The following LRBA variants were observed in gnomAD, a reference collection of about 807,000 sequenced individuals.
LRBA encodes lipopolysaccharide-responsive and beige-like anchor protein.
LRBA carries 176 observed loss-of-function variants against 330.0 expected under a neutral mutation model. The ratio of observed to expected loss-of-function variants is 0.53; its 90% confidence interval spans 0.47 to 0.60. The LOEUF (loss-of-function observed/expected upper bound fraction) is 0.60, where lower values mean the gene tolerates loss of function less well. LRBA is among the 20% of genes least tolerant of loss of function. The pLI is 0.00. For synonymous variants in LRBA, 1,230 were observed against 1,193.0 expected (o/e 1.03, Z -0.64); for missense variants, 3,259 against 3,444.8 (o/e 0.95, Z 1.35).
chr4:150,644,744 G>A (rs928051087), intron 37 of LRBA, among the ~76,000 whole-genome samples: 20 of 151,838 alleles, frequency 1.3e-4, no homozygotes, highest in African/African-American at 4.3e-4. Context: ...ATAACTATAC[G>A]GATGATTTTT....
At chr4:150,410,934 T>C (rs1392227972) in intron 47 of LRBA, among the ~76,000 whole-genome samples, 1 of 152,162 alleles carries the variant, frequency 6.6e-6, no homozygotes, top group African/African-American at 2.4e-5. Flanking sequence ...TGACATTATA[T>C]CATAAGAGAC....
chr4:150,397,640 T>A (rs1383496062), intron 47 of LRBA, among the ~76,000 whole-genome samples: 3 of 152,172 alleles, frequency 2.0e-5, no homozygotes, highest in Non-Finnish European at 4.4e-5. Context: ...TTAAAACATA[T>A]GCAGTAGTAT....
chr4:150,515,825 A>T (rs1383482377), intron 40 of LRBA, among the ~76,000 whole-genome samples: 1 of 152,136 alleles, frequency 6.6e-6, no homozygotes, highest in African/African-American at 2.4e-5. Context: ...CAAGAAAAAC[A>T]TTACACACTT....
chr4:150,975,328 G>C (rs1367466224), intron 2 of LRBA, among the ~76,000 whole-genome samples: 1 of 152,060 alleles, frequency 6.6e-6, no homozygotes, highest in Non-Finnish European at 1.5e-5. Flanking sequence ...CCAAGAGTTA[G>C]AGACCAGCCT....
In LRBA at chr4:150,282,416, G is replaced by A. The variant is rs779504181; in HGVS notation, c.8316+34C>T. 8 of 1,584,362 alleles carry A rather than the reference G, an allele frequency of 5.0e-6. No individual in the cohort carries two copies. The South Asian group carries it at 7.9e-5, about 16-fold the overall frequency. ...CCACTTGACACACGTTGAGGTAAAA[G>A]TCGTGAATGCTGAAGAGTCCCCAGG... On this transcript the variant is annotated intron_variant, in intron 55 of 56. Transcript: ENST00000651943.
chr4:150,275,287 A>G (rs545938460), intron 56 of LRBA, among the ~76,000 whole-genome samples: 1 of 152,298 alleles, frequency 6.6e-6, no homozygotes, highest in South Asian at 2.1e-4. Flanking sequence ...TCTCAAAATA[A>G]TAAGAGCTAT....
intron 34 of LRBA, among the ~76,000 whole-genome samples, chr4:150,795,370 G>C (rs890631729): frequency 5.9e-5 from 9 of 152,018 alleles, no homozygotes; most frequent in African/African-American, 2.2e-4. Flanking sequence ...CTGAAACACA[G>C]TTGAGAACTT....
intron 2 of LRBA, among the ~76,000 whole-genome samples, chr4:150,965,183 GATT>G (rs144960096): frequency 0.022 from 3,387 of 152,244 alleles, 109 homozygotes; most frequent in African/African-American, 0.077. Flanking sequence ...TATATGTAAA[GATT>G]ATTTATTGAA....
chr4:150,791,939 G>T (rs935887636), intron 34 of LRBA, among the ~76,000 whole-genome samples: 1 of 138,616 alleles, frequency 7.2e-6, no homozygotes, highest in Non-Finnish European at 1.5e-5. Context: ...TGAGGCAGGA[G>T]AATGGCATGA....
chr4:150,913,836 C>G (rs923447187), intron 9 of LRBA, among the ~76,000 whole-genome samples: 1 of 152,174 alleles, frequency 6.6e-6, no homozygotes, highest in Non-Finnish European at 1.5e-5. Flanking sequence ...GTAAGCTACT[C>G]CTACTCTTCT....
chr4:150,456,393 A>C (rs1455944741), intron 44 of LRBA, among the ~76,000 whole-genome samples: 1 of 152,060 alleles, frequency 6.6e-6, no homozygotes, highest in African/African-American at 2.4e-5. Flanking sequence ...TAGCTCATTG[A>C]AGCTTTGATT....
intron 23 of LRBA, 25 bp from the exon 24 acceptor site, chr4:150,850,927 TAAA>T: frequency 1.9e-6 from 3 of 1,557,064 alleles, no homozygotes; most frequent in Middle Eastern, 1.7e-4. Context: ...TAAAAAGTAA[TAAA>T]ATAGGTTCAA....
intron 48 of LRBA, among the ~76,000 whole-genome samples, chr4:150,345,514 T>C (rs1315877154): frequency 6.6e-6 from 1 of 152,150 alleles, no homozygotes; most frequent in Non-Finnish European, 1.5e-5. Flanking sequence ...GTGAGCAACA[T>C]AAGGGAAAGA....
intron 53 of LRBA, among the ~76,000 whole-genome samples, chr4:150,295,520 T>C (rs960905826): frequency 2.6e-5 from 4 of 152,180 alleles, no homozygotes; most frequent in African/African-American, 9.6e-5. Context: ...TTGTCTCTGA[T>C]TATCAAGGTA....
chr4:150,377,373 T>G (rs922294068), intron 47 of LRBA, among the ~76,000 whole-genome samples: 1 of 152,220 alleles, frequency 6.6e-6, no homozygotes, highest in Non-Finnish European at 1.5e-5. Context: ...GCTTTGCACA[T>G]GAAAACCTGG....
chr4:150,322,728 T>A (rs1173086831), intron 49 of LRBA, among the ~76,000 whole-genome samples: 2 of 152,196 alleles, frequency 1.3e-5, no homozygotes, highest in South Asian at 4.1e-4. Context: ...TCTGAGCAAG[T>A]GGCTAAAAGC....
intron 40 of LRBA, among the ~76,000 whole-genome samples, chr4:150,501,299 C>G (rs985715162): frequency 6.6e-6 from 1 of 152,084 alleles, no homozygotes; most frequent in Non-Finnish European, 1.5e-5. Flanking sequence ...GGATGGAGGG[C>G]CAACTCAGCT....
intron 34 of LRBA, among the ~76,000 whole-genome samples, chr4:150,791,260 T>C (rs1458036972): frequency 1.3e-5 from 2 of 152,178 alleles, no homozygotes; most frequent in African/African-American, 4.8e-5. Flanking sequence ...GAACACCTAC[T>C]ATTATTATCA....
intron 16 of LRBA, 119 bp from the exon 17 acceptor site, chr4:150,893,268 T>C (rs1729666858): frequency 3.4e-6 from 2 of 584,616 alleles, no homozygotes; most frequent in Non-Finnish European, 6.2e-6. Flanking sequence ...ATGTGTGATA[T>C]ATACTTATTT....
Sources: gnomAD v4.1 joint callset for allele counts (sites outside exome capture counted in the v4.1 genomes callset) on GRCh38, gnomAD v4.1.1 for gene constraint, MANE v1.5 for transcripts, NCBI Gene and HGNC (gene_info 2026-07-23, HGNC 2026-07-21) for gene names.